Variants in ANKS1B observed in about 807,000 individuals in gnomAD.
ANKS1B encodes ankyrin repeat and sterile alpha motif domain containing 1B.
A neutral mutation model predicts 148.3 loss-of-function variants in ANKS1B; 36 were observed. The observed-to-expected ratio is 0.24, with a 90% confidence interval of 0.19 to 0.32. The LOEUF is 0.32. ANKS1B is among the 10% of genes least tolerant of loss of function. ANKS1B has a pLI of 1.00. For missense variants in ANKS1B, 1,157 were observed against 1,542.6 expected (o/e 0.75, Z 4.19); for synonymous variants, 542 against 560.8 (o/e 0.97, Z 0.47).
intron 12 of ANKS1B, among the ~76,000 whole-genome samples, chr12:99,397,972 G>C (rs1276882211): frequency 6.6e-6 from 1 of 152,004 alleles, no homozygotes; most frequent in Non-Finnish European, 1.5e-5. Context: ...AAGCCCCAGG[G>C]CTAGAATGTT....
At chr12:99,509,986 A>G (rs976633077) in intron 9 of ANKS1B, among the ~76,000 whole-genome samples, 2 of 152,058 alleles carry the variant, frequency 1.3e-5, no homozygotes, top group African/African-American at 4.8e-5. Flanking sequence ...CCTATGCTCT[A>G]TAAATGAAAC....
intron 9 of ANKS1B, among the ~76,000 whole-genome samples, chr12:99,548,864 C>T (rs996041557): frequency 1.3e-5 from 2 of 152,090 alleles, no homozygotes; most frequent in Admixed American, 6.6e-5. Flanking sequence ...ACAAATATTA[C>T]TGGGTTCCTG....
chr12:99,917,528 A>G (rs2094208524), intron 1 of ANKS1B, among the ~76,000 whole-genome samples: 1 of 152,244 alleles, frequency 6.6e-6, no homozygotes, highest in Admixed American at 6.5e-5. Flanking sequence ...ATCCCTCAAA[A>G]AAGCCAATCA....
intron 12 of ANKS1B, among the ~76,000 whole-genome samples, chr12:99,369,389 G>A (rs2152460369): frequency 6.6e-6 from 1 of 152,226 alleles, no homozygotes; most frequent in East Asian, 1.9e-4. Flanking sequence ...CAAAAAGTCA[G>A]TATCACAAAA....
chr12:99,459,362 C>A (rs1233740460), intron 10 of ANKS1B, among the ~76,000 whole-genome samples: 1 of 151,898 alleles, frequency 6.6e-6, no homozygotes, highest in Non-Finnish European at 1.5e-5. Context: ...ACAAGGATGC[C>A]CACTTTCACC....
chr12:99,727,449 T>C (rs924007246), intron 8 of ANKS1B, among the ~76,000 whole-genome samples: 4 of 152,038 alleles, frequency 2.6e-5, no homozygotes, highest in Non-Finnish European at 1.5e-5. Context: ...GAAGGACCTC[T>C]TCAAGGAGAA....
intron 8 of ANKS1B, among the ~76,000 whole-genome samples, chr12:99,709,197 T>C (rs1010828159): frequency 6.6e-6 from 1 of 151,950 alleles, no homozygotes; most frequent in Admixed American, 6.6e-5. Flanking sequence ...GGTCAGGAGA[T>C]TGGATAAAGG....
chr12:99,406,245 TTCTC>T lies in ANKS1B; in HGVS notation c.1576-6438_1576-6435del, dbSNP rs147092921. Among the ~76,000 whole-genome samples the T allele has an allele frequency of 8.4e-3, 1,226 of 145,518 alleles. 176 individuals are homozygous for T. Among genetic ancestry groups the T allele is most frequent in the African/African-American group, 0.03 (1,167 of 38,460 alleles). ...ATTCTTCTCCTTAGTACATGAATAA[TTCTC>T]AAAGATAGACCATTTGTTAGGTCAC... On this transcript the variant is annotated intron_variant, in intron 11 of 26. Coordinates refer to ENST00000683438, the MANE Select transcript of ANKS1B (RefSeq NM_001352186.2).
intron 10 of ANKS1B, among the ~76,000 whole-genome samples, chr12:99,500,091 C>T (rs1223755026): frequency 6.6e-6 from 1 of 152,122 alleles, no homozygotes; most frequent in Admixed American, 6.6e-5. Flanking sequence ...AGTTTCTTCT[C>T]TCTCTGCAGT....
chr12:99,645,211 C>T lies in ANKS1B; in HGVS notation c.1272+9856G>A, dbSNP rs572675689. Among the ~76,000 whole-genome samples, 6 of 152,316 alleles carry T rather than the reference C, an allele frequency of 3.9e-5. No individual in the cohort carries two copies. The South Asian group carries it at 1.2e-3, about 32-fold the overall frequency. On this transcript the variant is annotated intron_variant, in intron 9 of 26. Coordinates refer to ENST00000683438, the MANE Select transcript of ANKS1B (RefSeq NM_001352186.2). ...AATTACATAGTTTTAAGCACTAACA[C>T]CGCTGATTGCCTATCTTACTGAACT...
At chr12:99,936,752 T>C (rs1040439313) in intron 1 of ANKS1B, among the ~76,000 whole-genome samples, 4 of 152,200 alleles carry the variant, frequency 2.6e-5, no homozygotes, top group African/African-American at 9.6e-5. Flanking sequence ...TATTACTTTT[T>C]TCCCGCTATT....
At chr12:99,718,322 T>C (rs1383203914) in intron 8 of ANKS1B, among the ~76,000 whole-genome samples, 2 of 152,070 alleles carry the variant, frequency 1.3e-5, no homozygotes, top group African/African-American at 4.8e-5. Flanking sequence ...CTGTATCTCA[T>C]TGCCACCCTT....
At chr12:98,895,642 G>GGT (rs1375552907) in intron 17 of ANKS1B, among the ~76,000 whole-genome samples, 1 of 152,178 alleles carries the variant, frequency 6.6e-6, no homozygotes, top group Non-Finnish European at 1.5e-5. Flanking sequence ...TCTCAGAGCG[G>GGT]GTATGATCGG....
chr12:99,427,764 G>GAT (rs1473368141), intron 11 of ANKS1B, among the ~76,000 whole-genome samples: 9 of 152,170 alleles, frequency 5.9e-5, no homozygotes, highest in Admixed American at 1.3e-4. Flanking sequence ...AATGAATAAG[G>GAT]GCATCTCAGT....
chr12:98,785,753 A>C (rs1331241239), intron 22 of ANKS1B, among the ~76,000 whole-genome samples: 2 of 152,114 alleles, frequency 1.3e-5, no homozygotes, highest in Admixed American at 1.3e-4. Context: ...CTCTCAGGCA[A>C]CACTGGTTTC....
chr12:99,317,661 C>T (rs1211585849), intron 12 of ANKS1B, among the ~76,000 whole-genome samples: 1 of 152,182 alleles, frequency 6.6e-6, no homozygotes, highest in East Asian at 1.9e-4. Flanking sequence ...TTATTTCTTT[C>T]TCCTGCCTGA....
At chr12:99,675,792 C>T (rs2098562135) in intron 8 of ANKS1B, among the ~76,000 whole-genome samples, 1 of 151,896 alleles carries the variant, frequency 6.6e-6, no homozygotes, top group African/African-American at 2.4e-5. Flanking sequence ...TTAAATTGTG[C>T]TACCTCTGTG....
At chr12:99,091,044 A>T (rs925421008) in intron 15 of ANKS1B, among the ~76,000 whole-genome samples, 13 of 152,112 alleles carry the variant, frequency 8.5e-5, no homozygotes, top group African/African-American at 3.1e-4. Context: ...CTTGCATACA[A>T]CTTAAGTAAA....
intron 8 of ANKS1B, among the ~76,000 whole-genome samples, chr12:99,675,665 C>G (rs1408389533): frequency 1.3e-5 from 2 of 151,646 alleles, no homozygotes; most frequent in Non-Finnish European, 2.9e-5. Context: ...CTCTACCAAT[C>G]TAACCCAAAA....
Sources: gnomAD v4.1 joint callset for allele counts (sites outside exome capture counted in the v4.1 genomes callset) on GRCh38, gnomAD v4.1.1 for gene constraint, MANE v1.5 for transcripts, NCBI Gene and HGNC (gene_info 2026-07-23, HGNC 2026-07-21) for gene names.